The following KIAA1328 variants were observed in gnomAD, a reference collection of about 807,000 sequenced individuals.
KIAA1328 encodes KIAA1328, also known as protein hinderin.
A neutral mutation model predicts 68.1 loss-of-function variants in KIAA1328; 52 were observed. That is an observed-to-expected ratio of 0.76 (90% CI 0.61 to 0.96). KIAA1328 has a LOEUF of 0.96. KIAA1328 is among the 40% of genes least tolerant of loss of function. The probability of loss-of-function intolerance (pLI) is 0.00; values close to 1 mark genes in which losing one functional copy is unlikely to be tolerated. For synonymous variants in KIAA1328, 232 were observed against 239.4 expected (o/e 0.97, Z 0.28); for missense variants, 641 against 677.6 (o/e 0.95, Z 0.60).
At chr18:37,144,165 A>T (rs968443189) in intron 7 of KIAA1328, among the ~76,000 whole-genome samples, 9 of 152,150 alleles carry the variant, frequency 5.9e-5, no homozygotes, top group African/African-American at 2.2e-4. Flanking sequence ...TTTTTAAAAA[A>T]TGTGTGCATT....
At chr18:37,127,659 C>T (rs568449880) in intron 7 of KIAA1328, among the ~76,000 whole-genome samples, 1 of 152,288 alleles carries the variant, frequency 6.6e-6, no homozygotes, top group East Asian at 1.9e-4. Flanking sequence ...AATTCTCTAA[C>T]AAATTGATAT....
At chr18:37,121,016 A>G (rs991645527) in intron 7 of KIAA1328, among the ~76,000 whole-genome samples, 2 of 152,174 alleles carry the variant, frequency 1.3e-5, no homozygotes, top group African/African-American at 4.8e-5. Context: ...GACAAACTCT[A>G]TTCTATCATA....
intron 5 of KIAA1328, among the ~76,000 whole-genome samples, chr18:36,913,489 C>T (rs1280412245): frequency 8.7e-6 from 1 of 115,160 alleles, no homozygotes; most frequent in South Asian, 3.2e-4. Context: ...TACACACACA[C>T]ACACACACAC....
chr18:37,198,562 C>T (rs2060046461), intron 9 of KIAA1328, among the ~76,000 whole-genome samples: 1 of 152,108 alleles, frequency 6.6e-6, no homozygotes, highest in Non-Finnish European at 1.5e-5. Context: ...GAGAGTACTT[C>T]TTAAGTGCTC....
chr18:37,170,207 C>T (rs2059474037), intron 8 of KIAA1328, among the ~76,000 whole-genome samples: 1 of 152,042 alleles, frequency 6.6e-6, no homozygotes, highest in South Asian at 2.1e-4. Context: ...TTTTTTTAAT[C>T]ATTGTTGTTA....
At chr18:36,950,869 A>G (rs1348547629) in intron 5 of KIAA1328, among the ~76,000 whole-genome samples, 2 of 152,154 alleles carry the variant, frequency 1.3e-5, no homozygotes, top group Admixed American at 1.3e-4. Context: ...TCTCTTTTGT[A>G]AAGCTTCTCT....
At chr18:37,010,942 A>C (rs2053958561) in intron 6 of KIAA1328, among the ~76,000 whole-genome samples, 1 of 152,164 alleles carries the variant, frequency 6.6e-6, no homozygotes, top group South Asian at 2.1e-4. Flanking sequence ...TCATGCTCTC[A>C]AGAAAGTGGT....
At chr18:37,087,323 G>T (rs772470413) in intron 7 of KIAA1328, among the ~76,000 whole-genome samples, 10 of 152,118 alleles carry the variant, frequency 6.6e-5, no homozygotes, top group Non-Finnish European at 1.5e-4. Context: ...GCTTCCCAAA[G>T]AGCTGGGATT....
intron 3 of KIAA1328, among the ~76,000 whole-genome samples, chr18:36,836,381 A>G (rs916900570): frequency 5.9e-5 from 9 of 152,330 alleles, no homozygotes; most frequent in Non-Finnish European, 1.2e-4. Context: ...CCTATTGGCT[A>G]TAACTTTTGA....
intron 7 of KIAA1328, among the ~76,000 whole-genome samples, chr18:37,144,173 A>C (rs191219784): frequency 6.6e-6 from 1 of 152,268 alleles, no homozygotes; most frequent in East Asian, 1.9e-4. Flanking sequence ...AAATGTGTGC[A>C]TTCATTTCAT....
At chr18:37,112,631 C>T (rs1419782784) in intron 7 of KIAA1328, among the ~76,000 whole-genome samples, 5 of 152,146 alleles carry the variant, frequency 3.3e-5, no homozygotes, top group South Asian at 2.1e-4. Flanking sequence ...TCACCTGCAA[C>T]GGAACAAAGC....
At chr18:37,226,595 G>A (rs2060639439), downstream of KIAA1328, among the ~76,000 whole-genome samples, 1 of 152,006 alleles carries the variant, frequency 6.6e-6, no homozygotes, top group Non-Finnish European at 1.5e-5. Context: ...ACGTTTTCAA[G>A]GTTCATTTAT....
chr18:37,124,086 G>A (rs1417082984), intron 7 of KIAA1328, among the ~76,000 whole-genome samples: 2 of 152,102 alleles, frequency 1.3e-5, no homozygotes, highest in African/African-American at 4.8e-5. Context: ...ATCTGAGAAG[G>A]CATATTGAAC....
At chr18:36,885,832 T>C (rs1483170297) in intron 5 of KIAA1328, 160 bp downstream of exon 5, 1 of 539,438 alleles carries the variant, frequency 1.9e-6, no homozygotes, top group Non-Finnish European at 3.3e-6. Flanking sequence ...TTCTCCTACC[T>C]CAGCCTCCCG....
At chr18:36,831,082 G>C (rs531825974) in intron 1 of KIAA1328, among the ~76,000 whole-genome samples, 5 of 152,256 alleles carry the variant, frequency 3.3e-5, no homozygotes, top group African/African-American at 1.2e-4. Flanking sequence ...TGATTCCTTT[G>C]TCATATTGAT....
intron 6 of KIAA1328, among the ~76,000 whole-genome samples, chr18:36,996,693 G>T (rs1035424759): frequency 6.6e-6 from 1 of 151,984 alleles, no homozygotes; most frequent in African/African-American, 2.4e-5. Context: ...TTAGAGTTCT[G>T]GCATTAACAC....
At chr18:36,990,192 T>C (rs1432578424) in intron 6 of KIAA1328, among the ~76,000 whole-genome samples, 5 of 152,188 alleles carry the variant, frequency 3.3e-5, no homozygotes, top group Admixed American at 3.3e-4. Context: ...AAAAATGGTC[T>C]AATCTTATAC....
intron 7 of KIAA1328, among the ~76,000 whole-genome samples, chr18:37,104,766 A>G (rs1224162066): frequency 1.3e-5 from 2 of 152,204 alleles, no homozygotes; most frequent in African/African-American, 2.4e-5. Flanking sequence ...GATATGTATG[A>G]TTAATATGTA....
At chr18:37,175,290 G>T (rs1310317484) in intron 9 of KIAA1328, among the ~76,000 whole-genome samples, 2 of 152,080 alleles carry the variant, frequency 1.3e-5, no homozygotes, top group Admixed American at 1.3e-4. Context: ...TGAAAAAATG[G>T]AATAAAATGT....
Sources: gnomAD v4.1 joint callset for allele counts (sites outside exome capture counted in the v4.1 genomes callset) on GRCh38, gnomAD v4.1.1 for gene constraint, MANE v1.5 for transcripts, NCBI Gene and HGNC (gene_info 2026-07-23, HGNC 2026-07-21) for gene names.